Variants in CDH12 observed in about 807,000 individuals in gnomAD.
CDH12 encodes the protein cadherin-12.
Under a neutral mutation model 74.1 loss-of-function variants are expected in CDH12, and 41 were observed. The ratio of observed to expected loss-of-function variants is 0.55; its 90% CI spans 0.43 to 0.72. CDH12 has a LOEUF of 0.72. CDH12 is among the 30% of genes least tolerant of loss of function. CDH12 has a pLI of 0.00. For synonymous variants in CDH12, 399 were observed against 355.0 expected (o/e 1.12, Z -1.39); for missense variants, 945 against 977.2 (o/e 0.97, Z 0.44).
At chr5:22,745,753 G>A (rs911930653) in intron 1 of CDH12, among the ~76,000 whole-genome samples, 12 of 151,964 alleles carry the variant, frequency 7.9e-5, no homozygotes, top group African/African-American at 2.9e-4. Context: ...TATCCACTGG[G>A]GCCTTTTGGA....
intron 1 of CDH12, among the ~76,000 whole-genome samples, chr5:22,546,068 C>A (rs900222164): frequency 3.3e-5 from 5 of 151,988 alleles, no homozygotes; most frequent in Non-Finnish European, 7.4e-5. Flanking sequence ...CCTCAGCCTC[C>A]CAAGTAGCCA....
intron 7 of CDH12, among the ~76,000 whole-genome samples, chr5:21,848,573 T>C (rs757350541): frequency 8.6e-5 from 13 of 152,044 alleles, no homozygotes; most frequent in Non-Finnish European, 1.5e-4. Context: ...TAGTACATTC[T>C]TGAATAATAT....
chr5:22,261,354 A>C (rs1202085780), intron 3 of CDH12, among the ~76,000 whole-genome samples: 1 of 151,876 alleles, frequency 6.6e-6, no homozygotes, highest in Admixed American at 6.6e-5. Flanking sequence ...CTCTATTTTC[A>C]GCTTTCCCCA....
intron 2 of CDH12, among the ~76,000 whole-genome samples, chr5:22,484,646 CA>C (rs1237285408): frequency 1.3e-5 from 2 of 152,172 alleles, no homozygotes; most frequent in Non-Finnish European, 2.9e-5. Context: ...TGTACTAAAT[CA>C]GCAGGGAGAT....
intron 10 of CDH12, among the ~76,000 whole-genome samples, chr5:21,793,916 A>C: frequency 6.7e-6 from 1 of 149,936 alleles, no homozygotes; most frequent in African/African-American, 2.4e-5. Context: ...TAAAATAACT[A>C]TTTTAATATA....
intron 1 of CDH12, among the ~76,000 whole-genome samples, chr5:22,519,431 T>C: frequency 6.6e-6 from 1 of 151,300 alleles, no homozygotes; most frequent in Non-Finnish European, 1.5e-5. Flanking sequence ...ACTCTTTTTT[T>C]TTTTTTTTTT....
intron 2 of CDH12, among the ~76,000 whole-genome samples, chr5:22,433,333 T>C (rs900311887): frequency 1.3e-5 from 2 of 152,160 alleles, no homozygotes; most frequent in Non-Finnish European, 2.9e-5. Flanking sequence ...CAGAATAAAG[T>C]ACAGTTTCAA....
chr5:22,036,664 CA>C (rs1310372530), intron 5 of CDH12, among the ~76,000 whole-genome samples: 4 of 152,122 alleles, frequency 2.6e-5, no homozygotes, highest in African/African-American at 9.7e-5. Flanking sequence ...GACTTATGTA[CA>C]CAGAACATCT....
At chr5:22,772,329 T>G (rs895360824) in intron 1 of CDH12, among the ~76,000 whole-genome samples, 1 of 151,748 alleles carries the variant, frequency 6.6e-6, no homozygotes, top group African/African-American at 2.4e-5. Flanking sequence ...GACAAGAAGG[T>G]GTCCTATGAA....
At chr5:21,880,302 T>C (rs940167665) in intron 6 of CDH12, among the ~76,000 whole-genome samples, 2 of 152,230 alleles carry the variant, frequency 1.3e-5, no homozygotes, top group African/African-American at 2.4e-5. Context: ...TGTTATCTTT[T>C]CTATAGAATC....
At chr5:22,752,103 T>C (rs1456958889) in intron 1 of CDH12, among the ~76,000 whole-genome samples, 1 of 152,192 alleles carries the variant, frequency 6.6e-6, no homozygotes, top group East Asian at 1.9e-4. Context: ...AAATGTATTA[T>C]ATTACTCCAA....
intron 1 of CDH12, among the ~76,000 whole-genome samples, chr5:22,749,348 A>G (rs1224123885): frequency 1.3e-5 from 2 of 152,230 alleles, no homozygotes; most frequent in East Asian, 1.9e-4. Flanking sequence ...ACTTTGATTC[A>G]TAGAATGCTT....
intron 1 of CDH12, among the ~76,000 whole-genome samples, chr5:22,530,877 TA>T (rs1161083872): frequency 1.3e-5 from 2 of 152,156 alleles, no homozygotes; most frequent in Non-Finnish European, 2.9e-5. Flanking sequence ...GATTTTTTCT[TA>T]AAAATTATAT....
intron 12 of CDH12, among the ~76,000 whole-genome samples, chr5:21,763,102 T>C (rs894302321): frequency 6.6e-6 from 1 of 152,112 alleles, no homozygotes; most frequent in Non-Finnish European, 1.5e-5. Flanking sequence ...TTAAGTGCAT[T>C]CTGTGCCGAT....
At chr5:21,919,248 C>A (rs920924211) in intron 6 of CDH12, among the ~76,000 whole-genome samples, 1 of 152,080 alleles carries the variant, frequency 6.6e-6, no homozygotes, top group African/African-American at 2.4e-5. Context: ...CACAACTGAG[C>A]CATTTTCCTC....
chr5:21,800,181 G>T (rs1209770102), intron 10 of CDH12, among the ~76,000 whole-genome samples: 4 of 151,456 alleles, frequency 2.6e-5, no homozygotes, highest in African/African-American at 7.2e-5. Context: ...GAGGAATTTG[G>T]CCTCGGGATG....
At chr5:21,836,665 A>G (rs1315673110) in intron 8 of CDH12, among the ~76,000 whole-genome samples, 2 of 151,878 alleles carry the variant, frequency 1.3e-5, no homozygotes, top group Non-Finnish European at 2.9e-5. Context: ...TAACGGCATC[A>G]CTTAATTGAT....
At chr5:22,095,909 G>A (rs1311594628) in intron 4 of CDH12, among the ~76,000 whole-genome samples, 3 of 149,132 alleles carry the variant, frequency 2.0e-5, no homozygotes, top group Non-Finnish European at 4.4e-5. Context: ...TTATTTCCGT[G>A]CCCCAACCTC....
rs1005692981 is a variant in CDH12 at position 22,270,602 on chromosome 5, A to AT, written c.-332-57960_-332-57959insA. On this transcript the variant is annotated intron_variant, in intron 3 of 14. Coordinates refer to ENST00000382254, the MANE Select transcript of CDH12 (RefSeq NM_004061.5). ...AGGGTGAGACACCGTCTCAAAAAAAAAAATATATATATATATATGTATACA... is the reference window on the plus strand; with the variant it reads ...AGGGTGAGACACCGTCTCAAAAAAAATAAATATATATATATATATGTATACA... Among the ~76,000 whole-genome samples the AT allele has an allele frequency of 9.2e-3, 1,184 of 128,660 alleles. 5 individuals are homozygous for AT. The highest frequency in any genetic ancestry group is 0.024 in the South Asian group (75 of 3,184). The allele number at this position is 128,660 out of a possible 152,430, so 84.4% of individuals were successfully genotyped here. A position where few individuals can be genotyped will look rare whatever the true frequency, so the allele number is the denominator to read the frequency against.
Sources: gnomAD v4.1 joint callset for allele counts (sites outside exome capture counted in the v4.1 genomes callset) on GRCh38, gnomAD v4.1.1 for gene constraint, MANE v1.5 for transcripts, NCBI Gene and HGNC (gene_info 2026-07-23, HGNC 2026-07-21) for gene names.